The following PACRG variants were observed in gnomAD, a reference collection of about 807,000 sequenced individuals.
PACRG encodes parkin coregulated gene protein.
Under a neutral mutation model 29.7 loss-of-function variants are expected in PACRG, and 29 were observed. That is an observed-to-expected ratio of 0.98 (90% confidence interval 0.73 to 1.33). The LOEUF (loss-of-function observed/expected upper bound fraction) is 1.33, where lower values mean the gene tolerates loss of function less well. Among genes scored for constraint, PACRG ranks in the 40% most tolerant of loss-of-function variants. The pLI is 0.00. For synonymous variants in PACRG, 116 were observed against 118.7 expected, an observed-to-expected ratio of 0.98 and a Z score of 0.15; for missense variants, 279 against 316.2, an observed-to-expected ratio of 0.88 and a Z score of 0.89.
At position 163,144,413 on chromosome 6, in the gene PACRG, T is replaced by C. The variant is rs184235977; in HGVS notation, c.613+55005T>C. Among the ~76,000 whole-genome samples, 246 of 152,170 alleles carry C rather than the reference T, an allele frequency of 1.6e-3. 1 individual carries two copies. The highest frequency in any genetic ancestry group is 5.8e-3 in the African/African-American group (240 of 41,508). The stretch of plus-strand genomic sequence containing the variant: ...ACGTGGGTTAGTAATATGTAATGTA[T>C]ATTACAGTACTAACGTTTGCATAAT... On this transcript the variant is annotated intron_variant, in intron 4 of 4. Coordinates refer to ENST00000366888, the MANE Select transcript of PACRG (RefSeq NM_001080379.2).
intron 1 of PACRG, among the ~76,000 whole-genome samples, chr6:162,742,458 A>G (rs1780673863): frequency 6.6e-6 from 1 of 152,194 alleles, no homozygotes; most frequent in Non-Finnish European, 1.5e-5. Flanking sequence ...ACCCAGTCTC[A>G]GGTATGTCTT....
At chr6:163,006,518 T>G (rs1282342716) in intron 2 of PACRG, among the ~76,000 whole-genome samples, 1 of 151,798 alleles carries the variant, frequency 6.6e-6, no homozygotes, top group African/African-American at 2.4e-5. Flanking sequence ...ACTTGTTCTA[T>G]CAGTTATTGA....
chr6:162,730,236 G>T (rs186502764), intron 1 of PACRG, among the ~76,000 whole-genome samples: 125 of 151,950 alleles, frequency 8.2e-4, no homozygotes, highest in African/African-American at 2.9e-3. Context: ...CAGTGGTACA[G>T]GAAATAAAAA....
intron 4 of PACRG, among the ~76,000 whole-genome samples, chr6:163,304,203 T>G (rs1331120461): frequency 6.6e-6 from 1 of 152,104 alleles, no homozygotes; most frequent in East Asian, 1.9e-4. Context: ...TGAAGCTCAT[T>G]TGATCGAACA....
At chr6:162,899,154 G>A (rs1011439073) in intron 2 of PACRG, among the ~76,000 whole-genome samples, 4 of 152,136 alleles carry the variant, frequency 2.6e-5, no homozygotes, top group African/African-American at 9.7e-5. Context: ...GTGTGCTGAG[G>A]GGTTTTGCAA....
intron 4 of PACRG, among the ~76,000 whole-genome samples, chr6:163,214,073 A>G (rs1278514202): frequency 6.6e-6 from 1 of 152,142 alleles, no homozygotes; most frequent in Non-Finnish European, 1.5e-5. Context: ...AACTCTTTTC[A>G]TTAATAACAT....
intron 2 of PACRG, among the ~76,000 whole-genome samples, chr6:162,835,649 CCTAAGCAGAGAAAAT>C (rs1160782936): frequency 6.6e-6 from 1 of 152,076 alleles, no homozygotes; most frequent in Non-Finnish European, 1.5e-5. Context: ...GAAATTCTAT[CCTAAGCAGAGAAAAT>C]CTGTGGTTTT....
At chr6:163,026,737 C>T (rs974460935) in intron 2 of PACRG, among the ~76,000 whole-genome samples, 4 of 152,140 alleles carry the variant, frequency 2.6e-5, no homozygotes, top group South Asian at 4.1e-4. Context: ...GTTTGTGGCA[C>T]GTGGGAGCAC....
chr6:163,150,166 C>A (rs568994158), intron 4 of PACRG, among the ~76,000 whole-genome samples: 1 of 152,208 alleles, frequency 6.6e-6, no homozygotes, highest in African/African-American at 2.4e-5. Flanking sequence ...TGCCAAGTAA[C>A]ACCACGTGTT....
At chr6:162,958,724 G>A (rs989437136) in intron 2 of PACRG, among the ~76,000 whole-genome samples, 3 of 132,248 alleles carry the variant, frequency 2.3e-5, no homozygotes. Context: ...ATAAAAATGG[G>A]TACACATATG....
intron 4 of PACRG, among the ~76,000 whole-genome samples, chr6:163,202,739 A>G (rs1780757669): frequency 1.3e-5 from 2 of 152,230 alleles, no homozygotes; most frequent in South Asian, 2.1e-4. Flanking sequence ...ACCAAAAAAA[A>G]GTAATAAATA....
intron 1 of PACRG, among the ~76,000 whole-genome samples, chr6:162,772,527 G>T (rs1389606676): frequency 2.6e-5 from 4 of 152,278 alleles, no homozygotes; most frequent in Non-Finnish European, 4.4e-5. Flanking sequence ...GGAAAAGGAG[G>T]TTAGAACACA....
At chr6:163,262,363 G>A (rs1050021524) in intron 4 of PACRG, among the ~76,000 whole-genome samples, 19 of 152,290 alleles carry the variant, frequency 1.2e-4, no homozygotes, top group African/African-American at 3.8e-4. Flanking sequence ...CTACCTCATC[G>A]GGTCACTGGG....
At chr6:163,143,226 T>TA (rs1040220690) in intron 4 of PACRG, among the ~76,000 whole-genome samples, 1 of 151,918 alleles carries the variant, frequency 6.6e-6, no homozygotes, top group Non-Finnish European at 1.5e-5. Flanking sequence ...AAAAAGTTTA[T>TA]AAAAAAATAA....
chr6:163,030,091 T>G (rs1293630088), intron 2 of PACRG, among the ~76,000 whole-genome samples: 1 of 152,178 alleles, frequency 6.6e-6, no homozygotes, highest in Non-Finnish European at 1.5e-5. Context: ...ATTTTTATAT[T>G]TCCTTTTATA....
chr6:162,875,520 C>T (rs977938206), intron 2 of PACRG, among the ~76,000 whole-genome samples: 1 of 152,192 alleles, frequency 6.6e-6, no homozygotes, highest in Admixed American at 6.5e-5. Flanking sequence ...TTTAGACATC[C>T]TCCATCTTTT....
intron 2 of PACRG, among the ~76,000 whole-genome samples, chr6:162,961,272 A>C (rs1800593720): frequency 6.6e-6 from 1 of 152,220 alleles, no homozygotes. Flanking sequence ...AAGATTGTTA[A>C]GGAAGCTGTC....
chr6:163,206,007 G>A (rs1260695020), intron 4 of PACRG, among the ~76,000 whole-genome samples: 1 of 152,148 alleles, frequency 6.6e-6, no homozygotes, highest in Non-Finnish European at 1.5e-5. Context: ...AATCCACAAT[G>A]AGATACCATC....
intron 1 of PACRG, among the ~76,000 whole-genome samples, chr6:162,738,241 G>T (rs1488108623): frequency 6.6e-6 from 1 of 152,166 alleles, no homozygotes; most frequent in Admixed American, 6.6e-5. Context: ...GATAGATGCA[G>T]AGATATAGAG....
Sources: gnomAD v4.1 joint callset for allele counts (sites outside exome capture counted in the v4.1 genomes callset) on GRCh38, gnomAD v4.1.1 for gene constraint, MANE v1.5 for transcripts, NCBI Gene and HGNC (gene_info 2026-07-23, HGNC 2026-07-21) for gene names.